The following ACTR3B variants were observed in gnomAD, a reference collection of about 807,000 sequenced individuals.
The protein encoded by ACTR3B is actin related protein 3B, also known as actin-related protein 3B.
Under a neutral mutation model 59.0 loss-of-function variants are expected in ACTR3B, and 8 were observed. That is an observed-to-expected ratio of 0.14 (90% CI 0.08 to 0.24). ACTR3B has a LOEUF of 0.24. ACTR3B is among the 10% of genes least tolerant of loss of function. The pLI is 1.00. For missense variants in ACTR3B, 245 were observed against 552.3 expected (o/e 0.44, Z 5.58); for synonymous variants, 148 against 197.9 (o/e 0.75, Z 2.12).
chr7:152,804,019 T>C (rs1266012321), intron 4 of ACTR3B, among the ~76,000 whole-genome samples: 1 of 152,124 alleles, frequency 6.6e-6, no homozygotes, highest in African/African-American at 2.4e-5. Context: ...AAGAGAGTCT[T>C]GAGAGGCCCA....
Position 152,781,183 on chromosome 7 carries a change from C to T in ACTR3B, c.45-2004C>T, listed in dbSNP as rs1267384339. Among the ~76,000 whole-genome samples the T allele has an allele frequency of 6.0e-5, 8 of 133,386 alleles. No individual in the cohort carries two copies. In the East Asian group the frequency reaches 8.6e-4, roughly 14 times the overall value. 87.5% of individuals were successfully genotyped at this position (133,386 alleles called of 152,430 possible). A position where few individuals can be genotyped will look rare whatever the true frequency, so the allele number is the denominator to read the frequency against. ...ATAAATGTTAACGCTTTACCATATT[C>T]GTTTCAGTGGTTTTTTTTTTTTTTT... On this transcript the variant is annotated intron_variant, in intron 1 of 11. Transcript: ENST00000256001.
chr7:152,797,872 T>G (rs1450955873), intron 2 of ACTR3B, among the ~76,000 whole-genome samples: 1 of 152,214 alleles, frequency 6.6e-6, no homozygotes, highest in East Asian at 1.9e-4. Flanking sequence ...TTTCCTTTTT[T>G]TTTTAAATGG....
At chr7:152,777,020 A>G (rs1306719474) in intron 1 of ACTR3B, among the ~76,000 whole-genome samples, 2 of 152,154 alleles carry the variant, frequency 1.3e-5, no homozygotes, top group East Asian at 1.9e-4. Flanking sequence ...TTCACCGAAC[A>G]TTTTTGTGTG....
intron 9 of ACTR3B, among the ~76,000 whole-genome samples, chr7:152,833,201 C>T (rs867001294): frequency 7.9e-5 from 12 of 152,136 alleles, no homozygotes; most frequent in African/African-American, 2.2e-4. Flanking sequence ...GGAAAGAAGA[C>T]GTGTGGGTAA....
intron 4 of ACTR3B, among the ~76,000 whole-genome samples, chr7:152,809,420 G>A (rs950318151): frequency 6.6e-6 from 1 of 152,106 alleles, no homozygotes; most frequent in African/African-American, 2.4e-5. Flanking sequence ...TGCCCCCCTC[G>A]CCTCTTTCCT....
At chr7:152,799,030 A>T (rs1235048672) in intron 2 of ACTR3B, among the ~76,000 whole-genome samples, 3 of 152,154 alleles carry the variant, frequency 2.0e-5, no homozygotes, top group Non-Finnish European at 2.9e-5. Context: ...TCTGTGAAGG[A>T]TGCCATTGGT....
intron 9 of ACTR3B, among the ~76,000 whole-genome samples, chr7:152,836,442 C>G (rs1797463052): frequency 6.6e-6 from 1 of 152,026 alleles, no homozygotes; most frequent in South Asian, 2.1e-4. Context: ...AAAAAATTAG[C>G]CAGCTGTGGT....
At chr7:152,830,741 A>G (rs1256765552) in intron 9 of ACTR3B, among the ~76,000 whole-genome samples, 1 of 151,984 alleles carries the variant, frequency 6.6e-6, no homozygotes, top group African/African-American at 2.4e-5. Context: ...TGTAGAGTTG[A>G]GGTCTTGCTC....
In ACTR3B at chr7:152,783,564, A is replaced by G. The variant is rs1311498848; in HGVS notation, c.100+322A>G. 2.6e-5 allele frequency among the ~76,000 whole-genome samples: 4 copies of G among 152,172 alleles called. No individual in the cohort carries two copies. In the East Asian group the frequency reaches 5.8e-4, roughly 22 times the overall value. On this transcript the variant is annotated intron_variant, in intron 2 of 11. Transcript: ENST00000256001. ...TACAGTCTGTTAGCTTAGTAACTTA[A>G]TGGACTGAATATCTCTTGTACTACA... is the stretch of plus-strand genomic sequence containing the variant.
Position 152,829,141 on chromosome 7 carries a change from C to T in ACTR3B, c.951+4019C>T, listed in dbSNP as rs201259003. Among the ~76,000 whole-genome samples the T allele has an allele frequency of 7.9e-5, 12 of 151,944 alleles. No homozygotes were observed. The East Asian group carries it at 1.9e-3, about 25-fold the overall frequency. On this transcript the variant is annotated intron_variant, in intron 9 of 11. Coordinates refer to ENST00000256001, the MANE Select transcript of ACTR3B (RefSeq NM_020445.6). ...GATGATTTGATACAGGTATGTACAT[C>T]GTGGAATGCTTACCACAATCAAGCT... is the stretch of plus-strand genomic sequence containing the variant.
chr7:152,826,715 C>A (rs1420942680), intron 9 of ACTR3B, among the ~76,000 whole-genome samples: 1 of 150,948 alleles, frequency 6.6e-6, no homozygotes, highest in Non-Finnish European at 1.5e-5. Context: ...TTGCTCCTCA[C>A]GGGGTGGGAA....
chr7:152,810,420 T>G (rs1216638514), intron 4 of ACTR3B, among the ~76,000 whole-genome samples: 9 of 107,224 alleles, frequency 8.4e-5, no homozygotes, highest in African/African-American at 2.3e-4. Flanking sequence ...TTTTTTTTTT[T>G]TTTTTTTTGT....
rs1306422176 is a variant in ACTR3B at position 152,854,197 on chromosome 7, T to C, written c.1162-261T>C. Among the ~76,000 whole-genome samples the C allele has an allele frequency of 6.6e-6, 1 of 152,204 alleles. No homozygotes were observed. The highest frequency in any genetic ancestry group is 1.5e-5 in the Non-Finnish European group (1 of 68,030). ...ATAATTATTACTTTTCCCCCTCACA[T>C]TTGTGAATAGCTCACACATTGTTAG... On this transcript the variant is annotated intron_variant, in intron 11 of 11. Coordinates refer to ENST00000256001, the MANE Select transcript of ACTR3B (RefSeq NM_020445.6). This position sits in a 1 kb window ranked among gnomAD's most constrained non-coding sequence, Gnocchi z 4.9.
intron 10 of ACTR3B, among the ~76,000 whole-genome samples, chr7:152,853,063 T>C (rs1008044669): frequency 1.3e-5 from 2 of 152,042 alleles, no homozygotes; most frequent in African/African-American, 4.8e-5. Context: ...AGTGCTGGGA[T>C]TACAGGTGCG....
At chr7:152,811,893 C>T (rs1338255586) in intron 4 of ACTR3B, 2 of 146,710 alleles carry the variant, frequency 1.4e-5, no homozygotes, top group African/African-American at 4.9e-5. Flanking sequence ...TTTGATTTCA[C>T]TGTAAGAGGC....
chr7:152,851,360 C>G (rs776393422), intron 9 of ACTR3B, among the ~76,000 whole-genome samples: 1 of 152,134 alleles, frequency 6.6e-6, no homozygotes, highest in African/African-American at 2.4e-5. Context: ...AGGTGAGTGA[C>G]GTAGGTGAGG....
At chr7:152,847,289 T>G (rs1257946660) in intron 9 of ACTR3B, among the ~76,000 whole-genome samples, 1 of 152,200 alleles carries the variant, frequency 6.6e-6, no homozygotes, top group African/African-American at 2.4e-5. Flanking sequence ...TTCGCGTCTG[T>G]AGCTCAGTGT....
At chr7:152,838,990 G>T (rs139608020) in intron 9 of ACTR3B, among the ~76,000 whole-genome samples, 9,516 of 132,310 alleles carry the variant, frequency 0.072, 371 homozygotes, top group African/African-American at 0.15. Flanking sequence ...AAAGATGACC[G>T]GTGAGAAATG....
chr7:152,825,742 G>A (rs545460171), intron 9 of ACTR3B, among the ~76,000 whole-genome samples: 1 of 152,166 alleles, frequency 6.6e-6, no homozygotes, highest in South Asian at 2.1e-4. Flanking sequence ...CATGCTTTCC[G>A]TGAATTCCAT....
Sources: allele counts gnomAD v4.1 joint callset (sites outside exome capture counted in the v4.1 genomes callset), GRCh38; gene constraint gnomAD v4.1.1; non-coding constraint Gnocchi (gnomAD v3.1); transcripts MANE v1.5; gene names NCBI Gene and HGNC (gene_info 2026-07-23, HGNC 2026-07-21).